The following GRM7 variants were observed in gnomAD, a reference collection of about 807,000 sequenced individuals.
GRM7 encodes the protein glutamate metabotropic receptor 7.
Under a neutral mutation model 84.5 loss-of-function variants are expected in GRM7, and 35 were observed. The ratio of observed to expected loss-of-function variants is 0.41; its 90% CI spans 0.32 to 0.55. GRM7 has a LOEUF of 0.55. Among genes scored for constraint, GRM7 ranks in the 20% least tolerant of loss-of-function variants. The probability of loss-of-function intolerance (pLI) is 0.19; values close to 1 mark genes in which losing one functional copy is unlikely to be tolerated. For missense variants in GRM7, 1,003 were observed against 1,194.6 expected (o/e 0.84, Z 2.36); for synonymous variants, 487 against 455.1 (o/e 1.07, Z -0.89).
chr3:7,064,995 A>T (rs1697601270), intron 1 of GRM7, among the ~76,000 whole-genome samples: 1 of 151,838 alleles, frequency 6.6e-6, no homozygotes, highest in African/African-American at 2.4e-5. Flanking sequence ...TTCTTTTGAA[A>T]ACTGTCTGTT....
intron 2 of GRM7, among the ~76,000 whole-genome samples, chr3:7,189,042 C>T (rs552024567): frequency 7.2e-5 from 11 of 152,266 alleles, no homozygotes; most frequent in East Asian, 5.8e-4. Flanking sequence ...ACCAGCTCTA[C>T]GCAAGCCATT....
intron 2 of GRM7, among the ~76,000 whole-genome samples, chr3:7,240,857 T>C (rs563462518): frequency 6.6e-5 from 10 of 152,338 alleles, no homozygotes; most frequent in African/African-American, 2.4e-4. Context: ...GTATTTTTAC[T>C]GTACATTTTC....
At chr3:7,726,633 A>C (rs373540499) in intron 9 of GRM7, among the ~76,000 whole-genome samples, 15,347 of 91,702 alleles carry the variant, frequency 0.17, 1,887 homozygotes, top group South Asian at 0.21. Flanking sequence ...ATATATATAT[A>C]TATATATATA....
At chr3:7,545,845 G>A (rs1237394138) in intron 7 of GRM7, among the ~76,000 whole-genome samples, 1 of 151,996 alleles carries the variant, frequency 6.6e-6, no homozygotes, top group African/African-American at 2.4e-5. Flanking sequence ...TTTTCTAGAG[G>A]CACAATTAAA....
chr3:7,497,300 C>G (rs1035711536), intron 7 of GRM7, among the ~76,000 whole-genome samples: 13 of 152,162 alleles, frequency 8.5e-5, no homozygotes, highest in African/African-American at 3.1e-4. Context: ...CACAGCCAAG[C>G]TGTCACATTA....
intron 2 of GRM7, among the ~76,000 whole-genome samples, chr3:7,186,981 G>T (rs528181696): frequency 6.6e-6 from 1 of 152,202 alleles, no homozygotes; most frequent in South Asian, 2.1e-4. Context: ...CTGTTTGGGA[G>T]GCTGAGGCAG....
chr3:7,321,534 C>CCACAGTAG (rs1224637925), intron 4 of GRM7, among the ~76,000 whole-genome samples: 1 of 151,898 alleles, frequency 6.6e-6, no homozygotes, highest in Non-Finnish European at 1.5e-5. Flanking sequence ...ATACAACAAA[C>CCACAGTAG]CACAGTAGAA....
chr3:7,178,089 A>T (rs1402057923), intron 2 of GRM7, among the ~76,000 whole-genome samples: 5 of 152,206 alleles, frequency 3.3e-5, no homozygotes. Flanking sequence ...GGTTAAGCAC[A>T]TCTATTGGCC....
intron 2 of GRM7, among the ~76,000 whole-genome samples, chr3:7,238,176 A>G (rs191022003): frequency 6.6e-6 from 1 of 152,284 alleles, no homozygotes; most frequent in Non-Finnish European, 1.5e-5. Flanking sequence ...TACAGCTCAG[A>G]TCTTATCCAA....
Position 7,510,499 on chromosome 3 carries a change from G to T in GRM7, c.1515+48777G>T, listed in dbSNP as rs143264950. ...TGAATGAACAAATAAGGAATGAATA[G>T]TGTTGGGGAACCTTGTAGCCAATCT... On this transcript the variant is annotated intron_variant, in intron 7 of 9. Coordinates refer to ENST00000357716, the MANE Select transcript of GRM7 (RefSeq NM_000844.4). 9.0e-3 allele frequency among the ~76,000 whole-genome samples: 1,366 copies of T among 152,298 alleles called. 17 individuals carry two copies. The highest frequency in any genetic ancestry group is 0.034 in the Middle Eastern group (10 of 294).
intron 1 of GRM7, among the ~76,000 whole-genome samples, chr3:6,998,383 C>T (rs983156600): frequency 2.0e-5 from 3 of 152,018 alleles, no homozygotes; most frequent in Admixed American, 6.6e-5. Flanking sequence ...GGGTACAGTC[C>T]CCCCCAAAGT....
chr3:7,636,330 C>T (rs918674699), intron 8 of GRM7: 5 of 456,492 alleles, frequency 1.1e-5, no homozygotes, highest in African/African-American at 1.0e-4. Flanking sequence ...CCCGACCGGA[C>T]TAAATGAAGA....
At chr3:7,479,876 A>G (rs918780460) in intron 7 of GRM7, among the ~76,000 whole-genome samples, 1 of 152,216 alleles carries the variant, frequency 6.6e-6, no homozygotes, top group African/African-American at 2.4e-5. Context: ...GGCTGGAAAG[A>G]TTTTTAAATT....
chr3:7,495,298 G>A (rs1559361354), intron 7 of GRM7, among the ~76,000 whole-genome samples: 2 of 152,204 alleles, frequency 1.3e-5, no homozygotes, highest in East Asian at 3.9e-4. Context: ...GAGCACTGTG[G>A]TGGTATCTTC....
At chr3:7,441,725 T>G (rs1697295215) in intron 5 of GRM7, among the ~76,000 whole-genome samples, 1 of 152,176 alleles carries the variant, frequency 6.6e-6, no homozygotes, top group Non-Finnish European at 1.5e-5. Context: ...CAGCACCATT[T>G]ATTGAGTGAA....
At position 7,405,021 on chromosome 3, in the gene GRM7, A is replaced by G. The variant is rs142885387; in HGVS notation, c.1034-10002A>G. 2.8e-3 allele frequency among the ~76,000 whole-genome samples: 422 copies of G among 152,244 alleles called. 6 individuals carry two copies. The highest frequency in any genetic ancestry group is 1.8e-3 in the Non-Finnish European group (123 of 68,002). ...GAGAGCATATTGAACCGGAACTTCT[A>G]TGAGAACCAGAGAACAGTACATTTA... is the stretch of plus-strand genomic sequence containing the variant. On this transcript the variant is annotated intron_variant, in intron 4 of 9. Coordinates refer to ENST00000357716, the MANE Select transcript of GRM7 (RefSeq NM_000844.4).
At position 6,974,061 on chromosome 3, in the gene GRM7, G is replaced by C. The variant is rs1023045694; in HGVS notation, c.519+112154G>C. Among the ~76,000 whole-genome samples, 5 of 152,112 alleles carry C rather than the reference G, an allele frequency of 3.3e-5. No individual in the cohort carries two copies. The South Asian group carries it at 1.0e-3, about 32-fold the overall frequency. On this transcript the variant is annotated intron_variant, in intron 1 of 9. Coordinates refer to ENST00000357716, the MANE Select transcript of GRM7 (RefSeq NM_000844.4). ...GCAAACTTTAAATTTGAAATGAAGCGATTGGATTCTGGACACATGTTTAAG... is the reference window on the plus strand; with the variant it reads ...GCAAACTTTAAATTTGAAATGAAGCCATTGGATTCTGGACACATGTTTAAG...
chr3:6,964,738 G>A (rs898820508), intron 1 of GRM7, among the ~76,000 whole-genome samples: 3 of 152,044 alleles, frequency 2.0e-5, no homozygotes, highest in African/African-American at 7.3e-5. Context: ...TGACATATTT[G>A]CAATTTTTTA....
chr3:7,485,172 T>G (rs976915973), intron 7 of GRM7, among the ~76,000 whole-genome samples: 1 of 152,202 alleles, frequency 6.6e-6, no homozygotes, highest in African/African-American at 2.4e-5. Flanking sequence ...AGAACCCAAC[T>G]AAAATGTGTC....
Sources: allele counts gnomAD v4.1 joint callset (sites outside exome capture counted in the v4.1 genomes callset), GRCh38; gene constraint gnomAD v4.1.1; transcripts MANE v1.5; gene names NCBI Gene and HGNC (gene_info 2026-07-23, HGNC 2026-07-21).